CACNA2D1: variants seen among roughly 807,000 people sequenced by gnomAD.
CACNA2D1 encodes the protein voltage-dependent calcium channel subunit alpha-2/delta-1.
CACNA2D1 carries 53 observed loss-of-function variants against 171.5 expected under a neutral mutation model. The observed-to-expected ratio is 0.31, with a 90% CI of 0.25 to 0.39. The LOEUF is 0.39. Ranked by LOEUF, CACNA2D1 falls within the 10% of genes least tolerant of loss-of-function variation. The pLI, the probability that CACNA2D1 is intolerant of heterozygous loss-of-function variation, is 1.00. For synonymous variants in CACNA2D1, 442 were observed against 443.1 expected, an observed-to-expected ratio of 1.00 and a Z score of 0.03; for missense variants, 903 against 1,299.8, an observed-to-expected ratio of 0.69 and a Z score of 4.69.
intron 5 of CACNA2D1, among the ~76,000 whole-genome samples, chr7:82,124,618 T>C (rs1215036960): frequency 2.0e-5 from 3 of 151,996 alleles, no homozygotes; most frequent in Admixed American, 1.3e-4. Context: ...ACCTCTAGAG[T>C]GTATTTAAAC....
chr7:82,261,904 T>C (rs150896575), intron 3 of CACNA2D1, among the ~76,000 whole-genome samples: 9 of 152,330 alleles, frequency 5.9e-5, no homozygotes, highest in Admixed American at 5.9e-4. Flanking sequence ...ACAAAGCATG[T>C]GATGTTTCCA....
chr7:81,970,589 G>T, intron 27 of CACNA2D1, 86 bp downstream of exon 27: 1 of 790,624 alleles, frequency 1.3e-6, no homozygotes, highest in South Asian at 1.4e-5. Flanking sequence ...TTTATTTGAA[G>T]AATGGCTTCC....
chr7:82,363,289 G>C (rs1174881938), intron 1 of CACNA2D1, among the ~76,000 whole-genome samples: 11 of 92,290 alleles, frequency 1.2e-4, no homozygotes, highest in Non-Finnish European at 1.7e-4. Context: ...TTTTTGAGAC[G>C]GAGTCTCACT....
chr7:82,362,175 C>T (rs1399640129), intron 1 of CACNA2D1, among the ~76,000 whole-genome samples: 1 of 152,116 alleles, frequency 6.6e-6, no homozygotes, highest in East Asian at 1.9e-4. Context: ...CATGAAGCAG[C>T]CAGTAACATG....
rs59979323 is a variant in CACNA2D1 at position 81,995,798 on chromosome 7, C to CAAAAA, written c.1663-864_1663-860dup. On this transcript the variant is annotated intron_variant, in intron 19 of 38. Coordinates refer to ENST00000356860, the MANE Select transcript of CACNA2D1 (RefSeq NM_000722.4). The stretch of plus-strand genomic sequence containing the variant: ...TGGGCGACAGAGCGAGACTCCACCT[C>CAAAAA]AAAAAAAAAAAAAAAAAAAAGTGCA... 5.7e-3 allele frequency among the ~76,000 whole-genome samples: 580 copies of CAAAAA among 101,436 alleles called. 4 individuals carry two copies. Among genetic ancestry groups the CAAAAA allele is most frequent in the African/African-American group, 0.019 (551 of 29,102 alleles). 66.5% of individuals were successfully genotyped at this position (101,436 alleles called of 152,430 possible).
rs148176827 is a variant in CACNA2D1, at chr7:82,221,383, A to C, written c.295-50774T>G. On this transcript the variant is annotated intron_variant, in intron 3 of 38. Transcript: ENST00000356860. Reference sequence around the variant, plus strand: ...GACTCAGGACTGAATATTACACATAAGACTCACTCCAAACACATTTTCTAC... The same window carrying C: ...GACTCAGGACTGAATATTACACATACGACTCACTCCAAACACATTTTCTAC... Among the ~76,000 whole-genome samples the C allele has an allele frequency of 4.3e-3, 660 of 152,282 alleles. 12 individuals carry two copies. In the East Asian group the frequency reaches 0.071, roughly 16 times the overall value.
chr7:82,063,430 G>C (rs1807199910), intron 9 of CACNA2D1, among the ~76,000 whole-genome samples: 1 of 152,042 alleles, frequency 6.6e-6, no homozygotes, highest in Non-Finnish European at 1.5e-5. Flanking sequence ...GGGTTATGAG[G>C]GTTTGGACAA....
chr7:82,109,987 A>T (rs539399315), intron 6 of CACNA2D1, among the ~76,000 whole-genome samples: 59 of 152,302 alleles, frequency 3.9e-4, no homozygotes, highest in African/African-American at 1.3e-3. Flanking sequence ...CCAGGATTGT[A>T]CATGTTTAAA....
In CACNA2D1 at chr7:82,005,512, A is replaced by C. The variant is rs1005499588; in HGVS notation, c.1516-15T>G. 1 of 1,547,726 alleles carries C rather than the reference A, an allele frequency of 6.5e-7. No individual in the cohort carries two copies. The highest frequency in any genetic ancestry group is 1.4e-5 in the African/African-American group (1 of 73,004). ...TTGGGGCACAGCTGGAAAAGAAAAAAAAAAAAAAGCTTGGATATGCCTGAG... is the reference window on the plus strand; with the variant it reads ...TTGGGGCACAGCTGGAAAAGAAAAACAAAAAAAAGCTTGGATATGCCTGAG... On this transcript the variant is annotated splice_polypyrimidine_tract_variant and intron_variant, in intron 17 of 38. Coordinates refer to ENST00000356860, the MANE Select transcript of CACNA2D1 (RefSeq NM_000722.4).
At position 82,021,285 on chromosome 7, in the gene CACNA2D1, G is replaced by A. The variant is rs1457018174; in HGVS notation, c.1144-6806C>T. The A allele has an allele frequency of 1.2e-4, 19 of 152,168 alleles. 1 individual carries two copies. The highest frequency in any genetic ancestry group is 1.5e-5 in the Non-Finnish European group (1 of 67,974). 9.4% of individuals were successfully genotyped at this position (152,168 alleles called of 1,614,324 possible). On this transcript the variant is annotated intron_variant, in intron 12 of 38. Coordinates refer to ENST00000356860, the MANE Select transcript of CACNA2D1 (RefSeq NM_000722.4). ...CAAATACTTCACTGACACTGATAAT[G>A]AGAATGCTCATGAAAAACTATGTGT...
At position 82,127,240 on chromosome 7, in the gene CACNA2D1, A is replaced by G. The variant is rs181796962; in HGVS notation, c.396+9395T>C. Among the ~76,000 whole-genome samples, 262 of 152,372 alleles carry G rather than the reference A, an allele frequency of 1.7e-3. 1 individual carries two copies. Among genetic ancestry groups the G allele is most frequent in the Non-Finnish European group, 3.1e-3 (213 of 68,030 alleles). ...CCACTGCCACTCTCATCTGCATCCA[A>G]TCCCATTAGATGAAATTAAGGAAGC... On this transcript the variant is annotated intron_variant, in intron 5 of 38. Coordinates refer to ENST00000356860, the MANE Select transcript of CACNA2D1 (RefSeq NM_000722.4).
intron 3 of CACNA2D1, among the ~76,000 whole-genome samples, chr7:82,268,214 T>C (rs1022271910): frequency 6.6e-6 from 1 of 152,194 alleles, no homozygotes; most frequent in Non-Finnish European, 1.5e-5. Context: ...TTAGAAAGAT[T>C]AAAATTGTTC....
At chr7:82,358,011 G>T (rs950851808) in intron 1 of CACNA2D1, among the ~76,000 whole-genome samples, 1 of 152,080 alleles carries the variant, frequency 6.6e-6, no homozygotes, top group African/African-American at 2.4e-5. Flanking sequence ...TTTAACCGAA[G>T]CAAATAAGAG....
chr7:82,386,572 A>T (rs1824413199), intron 1 of CACNA2D1, among the ~76,000 whole-genome samples: 1 of 151,930 alleles, frequency 6.6e-6, no homozygotes, highest in Non-Finnish European at 1.5e-5. Flanking sequence ...GTCTCTACTA[A>T]AAATACAAAA....
At chr7:81,956,746 C>T (rs966353893) in intron 38 of CACNA2D1, among the ~76,000 whole-genome samples, 3 of 152,072 alleles carry the variant, frequency 2.0e-5, no homozygotes, top group African/African-American at 7.2e-5. Context: ...GCTTCCTAAT[C>T]AATGACTACT....
In CACNA2D1 at chr7:81,947,199, CAAGT is replaced by C. The variant is rs1792110650; in HGVS notation, c.*3189_*3192del. On this transcript the variant is annotated 3_prime_UTR_variant, in exon 39 of 39. Coordinates refer to ENST00000356860, the MANE Select transcript of CACNA2D1 (RefSeq NM_000722.4). ...AAAATACAAGAGAGCATCAAATAAG[CAAGT>C]AACACTTGGGTTGCAAAGGTCACTT... is the stretch of plus-strand genomic sequence containing the variant. 1 of 151,812 alleles carries C rather than the reference CAAGT, an allele frequency of 6.6e-6. No homozygotes were observed. The highest frequency in any genetic ancestry group is 1.5e-5 in the Non-Finnish European group (1 of 67,878). 9.4% of individuals were successfully genotyped at this position (151,812 alleles called of 1,614,324 possible).
rs190003672 is a variant in CACNA2D1 at position 82,410,721 on chromosome 7, A to G, written c.95+32644T>C. Among the ~76,000 whole-genome samples the G allele has an allele frequency of 5.4e-3, 820 of 152,346 alleles. 2 individuals carry two copies. The highest frequency in any genetic ancestry group is 8.3e-3 in the Non-Finnish European group (565 of 68,020). ...AAAGCGACAAAAGCACGGGGAAGGC[A>G]GAATGAATTCTTAACACTTGTACTC... On this transcript the variant is annotated intron_variant, in intron 1 of 38. Transcript: ENST00000356860.
intron 10 of CACNA2D1, among the ~76,000 whole-genome samples, chr7:82,052,153 A>G (rs557517775): frequency 1.6e-4 from 24 of 152,272 alleles, no homozygotes; most frequent in Admixed American, 6.5e-4. Context: ...GAGTCTTTGG[A>G]TGACCCACAT....
intron 3 of CACNA2D1, among the ~76,000 whole-genome samples, chr7:82,329,121 A>C (rs892615306): frequency 3.3e-5 from 5 of 152,086 alleles, no homozygotes; most frequent in Non-Finnish European, 4.4e-5. Context: ...CTGGCCTAAG[A>C]GTTAAAGAAA....
Sources: gnomAD v4.1 joint callset for allele counts (sites outside exome capture counted in the v4.1 genomes callset) on GRCh38, gnomAD v4.1.1 for gene constraint, MANE v1.5 for transcripts, NCBI Gene and HGNC (gene_info 2026-07-23, HGNC 2026-07-21) for gene names.